SMAP1: variants seen among roughly 807,000 people sequenced by gnomAD.
The protein encoded by SMAP1 is small ArfGAP 1, also known as stromal membrane-associated protein 1.
SMAP1 carries 24 observed loss-of-function variants against 58.5 expected under a neutral mutation model. The observed-to-expected ratio is 0.41, with a 90% CI of 0.30 to 0.58. The LOEUF (loss-of-function observed/expected upper bound fraction) is 0.58. Among genes scored for constraint, SMAP1 ranks in the 20% least tolerant of loss-of-function variants. The pLI, the probability that SMAP1 is intolerant of heterozygous loss-of-function variation, is 0.29. For synonymous variants in SMAP1, 216 were observed against 196.6 expected, an observed-to-expected ratio of 1.10 and a Z score of -0.82; for missense variants, 563 against 566.3, an observed-to-expected ratio of 0.99 and a Z score of 0.06.
intron 1 of SMAP1, among the ~76,000 whole-genome samples, chr6:70,727,486 C>A (rs955167548): frequency 6.6e-6 from 1 of 152,184 alleles, no homozygotes; most frequent in Non-Finnish European, 1.5e-5. Flanking sequence ...ATTTTTACCT[C>A]TTCTATGTTC....
At chr6:70,796,717 A>G (rs1487925731) in intron 5 of SMAP1, among the ~76,000 whole-genome samples, 6 of 152,268 alleles carry the variant, frequency 3.9e-5, no homozygotes, top group Middle Eastern at 3.4e-3. Context: ...TCTGTGCTAG[A>G]CTATGTTAAT....
chr6:70,849,703 C>T (rs1403660048), intron 7 of SMAP1, among the ~76,000 whole-genome samples: 3 of 152,090 alleles, frequency 2.0e-5, no homozygotes, highest in Non-Finnish European at 4.4e-5. Flanking sequence ...TTGTATGATC[C>T]TATATACATT....
chr6:70,769,865 T>C (rs951236674), intron 3 of SMAP1, among the ~76,000 whole-genome samples: 1 of 152,170 alleles, frequency 6.6e-6, no homozygotes, highest in African/African-American at 2.4e-5. Context: ...CTTTACAATT[T>C]GGCATGTTTT....
intron 6 of SMAP1, among the ~76,000 whole-genome samples, chr6:70,810,722 A>G (rs1769349131): frequency 6.6e-6 from 1 of 152,154 alleles, no homozygotes; most frequent in African/African-American, 2.4e-5. Context: ...CTACAGGAGC[A>G]TGCCATCATG....
chr6:70,684,522 C>T (rs565601460), intron 1 of SMAP1, among the ~76,000 whole-genome samples: 1 of 152,236 alleles, frequency 6.6e-6, no homozygotes, highest in East Asian at 1.9e-4. Flanking sequence ...TTTCATTTCT[C>T]CTTTTATTTT....
chr6:70,682,044 T>A (rs975041060), intron 1 of SMAP1, among the ~76,000 whole-genome samples: 1 of 152,008 alleles, frequency 6.6e-6, no homozygotes, highest in Admixed American at 6.6e-5. Flanking sequence ...TCAGGAAGAA[T>A]ATGGATCAAT....
chr6:70,673,261 C>T (rs1314589557), intron 1 of SMAP1, among the ~76,000 whole-genome samples: 1 of 152,182 alleles, frequency 6.6e-6, no homozygotes, highest in Non-Finnish European at 1.5e-5. Context: ...TGCTTCTCAC[C>T]CAGGAGACTG....
At chr6:70,762,052 A>C (rs1766774093) in intron 3 of SMAP1, among the ~76,000 whole-genome samples, 1 of 152,124 alleles carries the variant, frequency 6.6e-6, no homozygotes, top group Non-Finnish European at 1.5e-5. Context: ...GAGGCTGTAC[A>C]TTGGAGACTA....
Position 70,857,983 on chromosome 6 carries a change from C to G in SMAP1, c.1023C>G (p.Gly341=). The G allele has an allele frequency of 6.2e-7, 1 of 1,614,180 alleles. No homozygotes were observed. Among genetic ancestry groups the G allele is most frequent in the South Asian group, 1.1e-5 (1 of 91,082 alleles). Residue 341 remains glycine, a synonymous_variant, in exon 10 of 11, where the codon GGC becomes GGG. Transcript: ENST00000370455. ...FTSQAPAAFQ[G]FPSMGVPVPA... Reference sequence around the variant, plus strand: ...CACAAGCACCAGCTGCATTTCAGGGCTTTCCATCGATGGGCGTGCCTGTGC... The same window carrying G: ...CACAAGCACCAGCTGCATTTCAGGGGTTTCCATCGATGGGCGTGCCTGTGC...
intron 1 of SMAP1, among the ~76,000 whole-genome samples, chr6:70,669,309 A>G (rs1349420639): frequency 6.6e-6 from 1 of 152,192 alleles, no homozygotes; most frequent in Non-Finnish European, 1.5e-5. Context: ...TCAATACTAT[A>G]TAAATGAGTC....
chr6:70,817,424 GT>G (rs1324242487), intron 6 of SMAP1, among the ~76,000 whole-genome samples: 1 of 152,082 alleles, frequency 6.6e-6, no homozygotes, highest in African/African-American at 2.4e-5. Context: ...TATAATCATA[GT>G]TCCTTGCAGT....
chr6:70,799,004 G>C (rs1562169557), intron 6 of SMAP1, among the ~76,000 whole-genome samples: 1 of 152,020 alleles, frequency 6.6e-6, no homozygotes, highest in African/African-American at 2.4e-5. Context: ...GGTGTTTTTA[G>C]CTTTCATACA....
At chr6:70,702,880 C>T (rs1022050814) in intron 1 of SMAP1, among the ~76,000 whole-genome samples, 6 of 152,152 alleles carry the variant, frequency 3.9e-5, no homozygotes, top group Non-Finnish European at 8.8e-5. Flanking sequence ...AGTTCACCTG[C>T]TTTGGCCTTC....
intron 6 of SMAP1, among the ~76,000 whole-genome samples, chr6:70,835,511 A>G (rs1042477930): frequency 6.6e-6 from 1 of 151,996 alleles, no homozygotes; most frequent in Non-Finnish European, 1.5e-5. Flanking sequence ...TATTTATTTC[A>G]TTTTGTTTTT....
chr6:70,745,292 T>C (rs549295479), intron 2 of SMAP1, among the ~76,000 whole-genome samples: 22 of 152,334 alleles, frequency 1.4e-4, no homozygotes, highest in Middle Eastern at 3.4e-3. Flanking sequence ...TCTTATAGGG[T>C]TTTTATGGTT....
intron 1 of SMAP1, among the ~76,000 whole-genome samples, chr6:70,706,669 C>A (rs1430460638): frequency 1.3e-5 from 2 of 151,950 alleles, no homozygotes; most frequent in Non-Finnish European, 2.9e-5. Flanking sequence ...TAATACATGC[C>A]TTTAAACAAA....
chr6:70,708,114 C>G (rs1478762184), intron 1 of SMAP1, among the ~76,000 whole-genome samples: 1 of 152,190 alleles, frequency 6.6e-6, no homozygotes, highest in Non-Finnish European at 1.5e-5. Context: ...TGACCTCCCT[C>G]TTCCTGTTTC....
At chr6:70,849,102 A>G (rs12190869) in intron 7 of SMAP1, among the ~76,000 whole-genome samples, 20,474 of 152,210 alleles carry the variant, frequency 0.13, 1,477 homozygotes, top group Middle Eastern at 0.23. Flanking sequence ...GCAATCACCT[A>G]TGCTCATCAC....
chr6:70,759,928 T>G (rs1216462099), intron 3 of SMAP1: 1 of 423,726 alleles, frequency 2.4e-6, no homozygotes, highest in Non-Finnish European at 4.7e-6. Context: ...GTACATTATC[T>G]TTTTTATTTC....
Sources: allele counts gnomAD v4.1 joint callset (sites outside exome capture counted in the v4.1 genomes callset), GRCh38; gene constraint gnomAD v4.1.1; transcripts MANE v1.5; gene names NCBI Gene and HGNC (gene_info 2026-07-23, HGNC 2026-07-21).